KIZ: variants seen among roughly 807,000 people sequenced by gnomAD.
The protein encoded by KIZ is centrosomal protein kizuna.
Under a neutral mutation model 79.6 loss-of-function variants are expected in KIZ, and 68 were observed. That is an observed-to-expected ratio of 0.85 (90% CI 0.70 to 1.05). The LOEUF (loss-of-function observed/expected upper bound fraction) is 1.05, where lower values mean the gene tolerates loss of function less well. Among genes scored for constraint, KIZ ranks in the 50% least tolerant of loss-of-function variants. The pLI is 0.00. For synonymous variants in KIZ, 280 were observed against 281.8 expected (o/e 0.99, Z 0.06); for missense variants, 797 against 800.4 (o/e 1.00, Z 0.05).
intron 2 of KIZ, among the ~76,000 whole-genome samples, chr20:21,136,003 T>C (rs2032163822): frequency 2.0e-5 from 3 of 152,244 alleles, no homozygotes; most frequent in Non-Finnish European, 4.4e-5. Flanking sequence ...TAATTCCATA[T>C]GAGCAGTTAT....
At chr20:21,222,053 G>C (rs1410986484) in intron 9 of KIZ, among the ~76,000 whole-genome samples, 6 of 152,236 alleles carry the variant, frequency 3.9e-5, no homozygotes, top group African/African-American at 1.4e-4. Context: ...AGTCCACGTG[G>C]CCCTGTCTCT....
chr20:21,218,537 A>C (rs898899545), intron 9 of KIZ: 1 of 152,248 alleles, frequency 6.6e-6, no homozygotes, highest in African/African-American at 2.4e-5. Flanking sequence ...TGCATAATGC[A>C]TAGAAGCATA....
intron 4 of KIZ, among the ~76,000 whole-genome samples, chr20:21,152,916 T>C (rs2033191256): frequency 6.6e-6 from 1 of 152,226 alleles, no homozygotes; most frequent in Admixed American, 6.5e-5. Context: ...AGTTAGAAAT[T>C]AGGCACAGGC....
chr20:21,169,406 G>A (rs967775432), intron 6 of KIZ, among the ~76,000 whole-genome samples: 22 of 152,124 alleles, frequency 1.4e-4, no homozygotes, highest in South Asian at 8.3e-4. Flanking sequence ...TTAGAATGGC[G>A]ATCATTAAAA....
chr20:21,131,662 A>C (rs1010009036), intron 1 of KIZ, among the ~76,000 whole-genome samples: 2 of 151,912 alleles, frequency 1.3e-5, no homozygotes, highest in Non-Finnish European at 2.9e-5. Flanking sequence ...TAGAATGTCA[A>C]CTCTTTGAGG....
At chr20:21,126,226 T>C in intron 1 of KIZ, 22 bp downstream of exon 1, 1 of 1,299,056 alleles carries the variant, frequency 7.7e-7, no homozygotes, top group Non-Finnish European at 1.0e-6. Context: ...GGGGCGGGGG[T>C]GGGGAGTCGG....
chr20:21,148,787 T>C (rs2032973862), intron 4 of KIZ: 1 of 152,196 alleles, frequency 6.6e-6, no homozygotes, highest in African/African-American at 2.4e-5. Context: ...AAATATATTC[T>C]ACTAGAAATA....
At chr20:21,192,130 CTG>C (rs981732458) in intron 6 of KIZ, among the ~76,000 whole-genome samples, 1 of 152,100 alleles carries the variant, frequency 6.6e-6, no homozygotes, top group African/African-American at 2.4e-5. Context: ...GCCAGTTTTT[CTG>C]TGTCACTGGA....
intron 6 of KIZ, among the ~76,000 whole-genome samples, chr20:21,169,501 C>G (rs969928858): frequency 3.3e-5 from 5 of 152,120 alleles, no homozygotes; most frequent in Non-Finnish European, 5.9e-5. Flanking sequence ...CTAGTTCAAC[C>G]ATTGTGGAAG....
In KIZ at chr20:21,168,944, A is replaced by C. The variant is rs549984197; in HGVS notation, c.1352+5785A>C. On this transcript the variant is annotated intron_variant, in intron 6 of 12. Coordinates refer to ENST00000619189, the MANE Select transcript of KIZ (RefSeq NM_018474.6). The stretch of plus-strand genomic sequence containing the variant: ...TACAAAAATTAATTCAAGATGGATT[A>C]AAGACTTAAACATTAGACCTAAAAC... 1.5e-4 allele frequency among the ~76,000 whole-genome samples: 23 copies of C among 152,356 alleles called. No individual in the cohort carries two copies. In the East Asian group the frequency reaches 4.2e-3, roughly 28 times the overall value.
At chr20:21,174,783 T>G (rs2034365580) in intron 6 of KIZ, among the ~76,000 whole-genome samples, 1 of 152,202 alleles carries the variant, frequency 6.6e-6, no homozygotes, top group Non-Finnish European at 1.5e-5. Flanking sequence ...TTGAATCCCA[T>G]CCAGTGATTT....
chr20:21,136,374 G>A lies in KIZ; in HGVS notation c.153-16G>A, dbSNP rs1396622640. ...AAGTCTAGTCCATTGTTTTAAAACTGCTTTTAATTTTCTAGAGTTAAGCTG... is the reference window on the plus strand; with the variant it reads ...AAGTCTAGTCCATTGTTTTAAAACTACTTTTAATTTTCTAGAGTTAAGCTG... On this transcript the variant is annotated splice_polypyrimidine_tract_variant and intron_variant, in intron 2 of 12. Transcript: ENST00000619189. 7.1e-7 allele frequency: 1 copy of A among 1,416,854 alleles called. No individual in the cohort carries two copies. The highest frequency in any genetic ancestry group is 2.4e-5 in the East Asian group (1 of 41,268). 87.8% of individuals were successfully genotyped at this position (1,416,854 alleles called of 1,614,324 possible). A position where few individuals can be genotyped will look rare whatever the true frequency, so the allele number is the denominator to read the frequency against.
intron 7 of KIZ, among the ~76,000 whole-genome samples, chr20:21,207,853 G>A (rs1485546113): frequency 2.6e-5 from 4 of 152,008 alleles, no homozygotes; most frequent in Non-Finnish European, 5.9e-5. Context: ...TGGGACTACA[G>A]GCATGTGCCA....
rs149026118 is a variant in KIZ at position 21,153,179 on chromosome 20, G to A, written c.405+7525G>A. Among the ~76,000 whole-genome samples the A allele has an allele frequency of 9.2e-5, 14 of 152,128 alleles. No individual in the cohort carries two copies. The South Asian group carries it at 2.1e-3, about 23-fold the overall frequency. On this transcript the variant is annotated intron_variant, in intron 4 of 12. Transcript: ENST00000619189. The stretch of plus-strand genomic sequence containing the variant: ...TCTCTTAGCTCCTCCTTGTCACCTC[G>A]TACATGCTTGATAAATGTTCCCTGC...
In KIZ at chr20:21,162,973, TAGAG is replaced by T. The variant is rs2033749755; in HGVS notation, c.1169_1172del (p.Glu390AlafsTer18). ...TCAATAAGTGAAGATGATCTGATTTTAGAGAGCCCAGAACCACAGCCAAATCCAG... is the reference window on the plus strand; with the variant it reads ...TCAATAAGTGAAGATGATCTGATTTTAGCCCAGAACCACAGCCAAATCCAG... On this transcript the variant is annotated frameshift_variant, in exon 6 of 13. Coordinates refer to ENST00000619189, the MANE Select transcript of KIZ (RefSeq NM_018474.6). LOFTEE classifies it high-confidence loss of function. The T allele has an allele frequency of 6.2e-7, 1 of 1,613,886 alleles. No individual in the cohort carries two copies. The highest frequency in any genetic ancestry group is 8.5e-7 in the Non-Finnish European group (1 of 1,179,840).
chr20:21,175,905 A>G (rs2034411094), intron 6 of KIZ, among the ~76,000 whole-genome samples: 1 of 152,060 alleles, frequency 6.6e-6, no homozygotes, highest in Admixed American at 6.6e-5. Context: ...ATTCCCAGCT[A>G]CTCAGGAGGC....
intron 4 of KIZ, among the ~76,000 whole-genome samples, chr20:21,157,047 C>T (rs760790634): frequency 5.6e-4 from 85 of 151,998 alleles, no homozygotes; most frequent in Non-Finnish European, 1.1e-3. Flanking sequence ...TCACTTGAGT[C>T]CAGGAGTTCG....
At chr20:21,213,556 C>T (rs1010918809) in intron 7 of KIZ, 15 of 152,200 alleles carry the variant, frequency 9.9e-5, no homozygotes, top group Non-Finnish European at 1.6e-4. Flanking sequence ...CCACCACCAC[C>T]GAGGTTTCCT....
chr20:21,161,401 G>A (rs928589934), intron 4 of KIZ, among the ~76,000 whole-genome samples: 13 of 151,950 alleles, frequency 8.6e-5, no homozygotes, highest in African/African-American at 2.7e-4. Flanking sequence ...GCATGATCTC[G>A]GCTGACTGCA....
Sources: allele counts gnomAD v4.1 joint callset (sites outside exome capture counted in the v4.1 genomes callset), GRCh38; gene constraint gnomAD v4.1.1; transcripts MANE v1.5; gene names NCBI Gene and HGNC (gene_info 2026-07-23, HGNC 2026-07-21).